CLIC3: variants seen among roughly 807,000 people sequenced by gnomAD.
CLIC3 encodes the protein CLIC family member 3.
A neutral mutation model predicts 19.9 loss-of-function variants in CLIC3; 29 were observed. The observed-to-expected ratio is 1.46, with a 90% CI of 1.09 to 1.99. The LOEUF is 1.99. CLIC3 is among the 30% of genes most tolerant of loss of function. CLIC3 has a pLI of 0.00. For synonymous variants in CLIC3, 143 were observed against 156.4 expected, an observed-to-expected ratio of 0.91 and a Z score of 0.64; for missense variants, 365 against 342.6, an observed-to-expected ratio of 1.07 and a Z score of -0.52.
rs1304742111 is a variant in CLIC3, at chr9:136,994,785, G to A, written c.607C>T (p.Arg203Cys). Reference protein sequence around the residue: ...APIPAELRGVRRYLDSAMQEK... With the variant: ...APIPAELRGVCRYLDSAMQEK... ...TGCATCGCGCTGTCCAGGTAGCGGC[G>A]TACGCCGCGCAGCTCCGCGGGGATG... is the stretch of plus-strand genomic sequence containing the variant. The change falls in exon 6 of 6, where the codon CGC becomes TGC. Residue 203 changes from arginine to cysteine, a missense_variant. Transcript: ENST00000494426. 4 of 1,595,328 alleles carry A rather than the reference G, an allele frequency of 2.5e-6. No homozygotes were observed. Among genetic ancestry groups the A allele is most frequent in the Admixed American group, 1.7e-5 (1 of 57,722 alleles).
At position 136,994,670 on chromosome 9, in the gene CLIC3, G is replaced by GGGGT. The variant is rs756878653; in HGVS notation, c.*7_*10dup. ...GATGCCTTTATTGGGCGACAGACGC[G>GGGGT]GGGTGGGGCGCTAGCGGGGGTGCAC... On this transcript the variant is annotated 3_prime_UTR_variant, in exon 6 of 6. Coordinates refer to ENST00000494426, the MANE Select transcript of CLIC3 (RefSeq NM_004669.3). The GGGGT allele has an allele frequency of 1.2e-6, 2 of 1,602,772 alleles. No individual in the cohort carries two copies. The highest frequency in any genetic ancestry group is 1.7e-6 in the Non-Finnish European group (2 of 1,175,026).
At chr9:136,995,887 G>T (rs1156666937) in intron 1 of CLIC3, 130 bp from the exon 2 acceptor site, 2 of 647,268 alleles carry the variant, frequency 3.1e-6, no homozygotes, top group African/African-American at 3.7e-5. Context: ...AGCTTGGTCG[G>T]CGCGACTTCC....
chr9:136,995,683 G>A lies in CLIC3; in HGVS notation c.108C>T (p.Gly36=). ...QRLFMVLLLK[G]VPFTLTTVDT... ...CCACCGTGGTGAGGGTGAAAGGTAC[G>A]CCCTTGAGGAGCAGGACCATGAAGA... The change falls in exon 2 of 6, where the codon GGC becomes GGT. Residue 36 remains glycine (G), a synonymous_variant. Coordinates refer to ENST00000494426, the MANE Select transcript of CLIC3 (RefSeq NM_004669.3). 6.2e-7 allele frequency: 1 copy of A among 1,609,414 alleles called. No individual in the cohort carries two copies.
intron 1 of CLIC3, among the ~76,000 whole-genome samples, 165 bp downstream of exon 1, chr9:136,996,346 C>A (rs1279697866): frequency 6.6e-6 from 1 of 152,190 alleles, no homozygotes; most frequent in African/African-American, 2.4e-5. Context: ...CTCGCTGGGT[C>A]CCACTTTACT....
intron 1 of CLIC3, 29 bp downstream of exon 1, chr9:136,996,482 C>T (rs199613987): frequency 6.3e-4 from 984 of 1,550,572 alleles, no homozygotes; most frequent in African/African-American, 1.1e-3. Flanking sequence ...CTCCCAGACA[C>T]CCTCCCCGCA....
rs754769287 is a variant in CLIC3 at position 136,995,110 on chromosome 9, G to A, written c.377-5C>T. ...GCAGCAGCTGCTGGTACAGGGCTAG[G>A]GGGCAGGCGGCGCGGTGAGGACCAG... On this transcript the variant is annotated splice_polypyrimidine_tract_variant and splice_region_variant and intron_variant, in intron 4 of 5. Coordinates refer to ENST00000494426, the MANE Select transcript of CLIC3 (RefSeq NM_004669.3). 6.4e-7 allele frequency: 1 copy of A among 1,560,824 alleles called. No homozygotes were observed. Among genetic ancestry groups the A allele is most frequent in the Non-Finnish European group, 8.7e-7 (1 of 1,153,446 alleles).
In CLIC3 at chr9:136,995,242, T is replaced by C; in HGVS notation, c.320A>G (p.Asp107Gly). The change falls in exon 4 of 6, where the codon GAC becomes GGC. Residue 107 changes from aspartate to glycine, a missense_variant. Coordinates refer to ENST00000494426, the MANE Select transcript of CLIC3 (RefSeq NM_004669.3). ...GAACGCGGAGAACTTGTGGAAAACG[T>C]CGTTGCCGGCGGTGTTGGACTCCCT... ...RYRESNTAGN[D>G]VFHKFSAFIK... 1.2e-6 allele frequency: 2 copies of C among 1,612,804 alleles called. No individual in the cohort carries two copies. Among genetic ancestry groups the C allele is most frequent in the Non-Finnish European group, 1.7e-6 (2 of 1,179,884 alleles).
At position 136,995,021 on chromosome 9, in the gene CLIC3, G is replaced by A. The variant is rs1830677691; in HGVS notation, c.461C>T (p.Pro154Leu). Residue 154 changes from proline to leucine, a missense_variant, in exon 5 of 6, where the codon CCG becomes CTG. Pro to Leu is a moderately conservative substitution (Grantham distance 98). Transcript: ENST00000494426. ...GCGGCGGCGGGACTCGCGCAGCTGCGGCTCCCCCGCCAGCTCGTGCTCCAG... is the reference window on the plus strand; with the variant it reads ...GCGGCGGCGGGACTCGCGCAGCTGCAGCTCCCCCGCCAGCTCGTGCTCCAG... ...APLEHELAGE[P>L]QLRESRRRFL... 2 of 1,507,000 alleles carry A rather than the reference G, an allele frequency of 1.3e-6. No individual in the cohort carries two copies. The highest frequency in any genetic ancestry group is 1.2e-5 in the South Asian group (1 of 80,836). 93.4% of individuals were successfully genotyped at this position (1,507,000 alleles called of 1,614,324 possible).
chr9:136,995,387 G>C, intron 3 of CLIC3, 55 bp downstream of exon 3: 1 of 1,610,274 alleles, frequency 6.2e-7, no homozygotes, highest in Non-Finnish European at 8.5e-7. Context: ...TCTGTCTTGC[G>C]CGCGTCCTCC....
In CLIC3 at chr9:136,994,798, C is replaced by T. The variant is rs759808775; in HGVS notation, c.594G>A (p.Glu198=). Reference sequence around the variant, plus strand: ...CCAGGTAGCGGCGTACGCCGCGCAGCTCCGCGGGGATGGGCGCCTGGCGGA... The same window carrying T: ...CCAGGTAGCGGCGTACGCCGCGCAGTTCCGCGGGGATGGGCGCCTGGCGGA... The part of the protein sequence containing the change: ...AHFRQAPIPA[E]LRGVRRYLDS... The change falls in exon 6 of 6, where the codon GAG becomes GAA. Residue 198 remains glutamate, a synonymous_variant. Transcript: ENST00000494426. 2.3e-5 allele frequency: 36 copies of T among 1,590,570 alleles called. No individual in the cohort carries two copies. The highest frequency in any genetic ancestry group is 4.0e-5 in the African/African-American group (3 of 74,382).
Position 136,995,192 on chromosome 9 carries a change from CCTGCGCGGGCACCGGGTT to C in CLIC3, c.352_369del (p.Asn118_Gln123del). 1 of 1,612,266 alleles carries C rather than the reference CCTGCGCGGGCACCGGGTT, an allele frequency of 6.2e-7. No homozygotes were observed. Among genetic ancestry groups the C allele is most frequent in the Non-Finnish European group, 8.5e-7 (1 of 1,179,666 alleles). On this transcript the variant is annotated inframe_deletion, in exon 4 of 6. Coordinates refer to ENST00000494426, the MANE Select transcript of CLIC3 (RefSeq NM_004669.3). ...CCCCCTGACCCCGCTTCACCTTCGT[CCTGCGCGGGCACCGGGTT>C]CTTGATGAACGCGGAGAACTTGTGG...
intron 3 of CLIC3, 49 bp downstream of exon 3, chr9:136,995,393 C>T (rs1440900909): frequency 2.5e-6 from 4 of 1,610,026 alleles, no homozygotes; most frequent in Non-Finnish European, 3.4e-6. Context: ...TTGCGCGCGT[C>T]CTCCCTGGGC....
Position 136,995,181 on chromosome 9 carries a change from T to C in CLIC3, c.376+5A>G, listed in dbSNP as rs762261451. 1.7e-5 allele frequency: 28 copies of C among 1,611,086 alleles called. No homozygotes were observed. Among genetic ancestry groups the C allele is most frequent in the Non-Finnish European group, 2.4e-5 (28 of 1,179,216 alleles). ...TGGGCACCCGACCCCCTGACCCCGCTTCACCTTCGTCCTGCGCGGGCACCG... is the reference window on the plus strand; with the variant it reads ...TGGGCACCCGACCCCCTGACCCCGCCTCACCTTCGTCCTGCGCGGGCACCG... On this transcript the variant is annotated splice_donor_5th_base_variant and intron_variant, in intron 4 of 5. Coordinates refer to ENST00000494426, the MANE Select transcript of CLIC3 (RefSeq NM_004669.3).
chr9:136,995,284 C>G lies in CLIC3; in HGVS notation c.278G>C (p.Ser93Thr). The G allele has an allele frequency of 6.2e-7, 1 of 1,612,534 alleles. No homozygotes were observed. Among genetic ancestry groups the G allele is most frequent in the Non-Finnish European group, 8.5e-7 (1 of 1,179,804 alleles). The change falls in exon 4 of 6, where the codon AGC (serine) becomes ACC (threonine). Residue 93 changes from serine (S) to threonine (T), a missense_variant. Transcript: ENST00000494426. ...GGACTCCCTGTAACGAGGCGCCAGG[C>G]TGGGGAAGCTGCGGGATGAGGGGGT... ...EETLGPPDFP[S>T]LAPRYRESNT...
chr9:136,995,830 G>C (rs1830697374), intron 1 of CLIC3, 73 bp from the exon 2 acceptor site: 1 of 1,064,502 alleles, frequency 9.4e-7, no homozygotes, highest in Non-Finnish European at 1.4e-6. Flanking sequence ...AGGCTGGGCG[G>C]GACCCGCCTC....
rs981585134 is a variant in CLIC3 at position 136,994,968 on chromosome 9, C to T, written c.514G>A (p.Ala172Thr). ...AGCTTGGGCAGGAGGCTGCAGTCGG[C>T]CAGCGTGAGCCTGTCGCCGTCCAGG... ...RFLDGDRLTL[A>T]DCSLLPKLHI... is the part of the protein sequence containing the mutation. Residue 172 changes from alanine to threonine, a missense_variant, in exon 5 of 6, where the codon GCC (alanine) becomes ACC (threonine). Ala to Thr is a moderately conservative substitution (Grantham distance 58). Coordinates refer to ENST00000494426, the MANE Select transcript of CLIC3 (RefSeq NM_004669.3). 6.9e-7 allele frequency: 1 copy of T among 1,454,960 alleles called. No homozygotes were observed. The highest frequency in any genetic ancestry group is 1.3e-5 in the South Asian group (1 of 79,920). 90.1% of individuals were successfully genotyped at this position (1,454,960 alleles called of 1,614,324 possible).
chr9:136,995,283 G>T lies in CLIC3; in HGVS notation c.279C>A (p.Ser93Arg). The T allele has an allele frequency of 6.2e-7, 1 of 1,612,540 alleles. No individual in the cohort carries two copies. Among genetic ancestry groups the T allele is most frequent in the South Asian group, 1.1e-5 (1 of 91,084 alleles). ...EETLGPPDFP[S>R]LAPRYRESNT... is the part of the protein sequence containing the mutation. ...TGGACTCCCTGTAACGAGGCGCCAG[G>T]CTGGGGAAGCTGCGGGATGAGGGGG... Residue 93 changes from serine to arginine, a missense_variant, in exon 4 of 6, where the codon AGC becomes AGA. Transcript: ENST00000494426.
At position 136,995,459 on chromosome 9, in the gene CLIC3, C is replaced by T; in HGVS notation, c.252G>A (p.Glu84=). The change falls in exon 3 of 6, where the codon GAG becomes GAA. Residue 84 remains glutamate, a synonymous_variant. Transcript: ENST00000494426. ...DTLQIEDFLE[E]TLGPPDFPSL... is the part of the protein sequence containing the mutation. The stretch of plus-strand genomic sequence containing the variant: ...GCTCTCACTCGGGCGGCCCCAGCGT[C>T]TCCTCCAGAAAGTCCTCGATCTGCA... The T allele has an allele frequency of 6.2e-7, 1 of 1,612,600 alleles. No homozygotes were observed. Among genetic ancestry groups the T allele is most frequent in the Admixed American group, 1.7e-5 (1 of 60,030 alleles).
Position 136,994,738 on chromosome 9 carries a change from CGT to C in CLIC3, c.652_653del (p.Thr218ValfsTer29), listed in dbSNP as rs780838210. Reference sequence around the variant, plus strand: ...CCAGGATCTCGGCGCTGTGCGGACACGTGTATTTGAACTCTTTCTCCTGCATC... The same window carrying C: ...CCAGGATCTCGGCGCTGTGCGGACACGTATTTGAACTCTTTCTCCTGCATC... ...SAMQEKEFKY[T>X]CPHSAEILAA... On this transcript the variant is annotated frameshift_variant, in exon 6 of 6. Coordinates refer to ENST00000494426, the MANE Select transcript of CLIC3 (RefSeq NM_004669.3). LOFTEE classifies it high-confidence loss of function. 3.1e-6 allele frequency: 5 copies of C among 1,609,534 alleles called. No homozygotes were observed. The highest frequency in any genetic ancestry group is 4.2e-6 in the Non-Finnish European group (5 of 1,178,702).
Sources: allele counts gnomAD v4.1 joint callset (sites outside exome capture counted in the v4.1 genomes callset), GRCh38; gene constraint gnomAD v4.1.1; transcripts MANE v1.5; gene names NCBI Gene and HGNC (gene_info 2026-07-23, HGNC 2026-07-21).